The following FRMD4A variants were observed in gnomAD, a reference collection of about 807,000 sequenced individuals.
FRMD4A encodes the protein FERM domain-containing protein 4A.
In FRMD4A, 29 loss-of-function variants were observed where a neutral mutation model predicts 129.1. That is an observed-to-expected ratio of 0.22 (90% CI 0.17 to 0.31). The LOEUF (loss-of-function observed/expected upper bound fraction) is 0.31. FRMD4A is among the 10% of genes least tolerant of loss of function. The pLI is 1.00. For synonymous variants in FRMD4A, 634 were observed against 571.6 expected (o/e 1.11, Z -1.56); for missense variants, 1,272 against 1,375.8 (o/e 0.92, Z 1.19).
intron 14 of FRMD4A, among the ~76,000 whole-genome samples, chr10:13,695,148 AT>A (rs34942226): frequency 0.19 from 28,095 of 147,168 alleles, 2,786 homozygotes; most frequent in East Asian, 0.43. Context: ...TCAAAAAAAA[AT>A]TTTTTTTTTT....
intron 6 of FRMD4A, among the ~76,000 whole-genome samples, chr10:13,768,183 GC>G (rs1222574965): frequency 1.3e-5 from 2 of 152,088 alleles, no homozygotes; most frequent in Admixed American, 6.6e-5. Flanking sequence ...TGACTGAACT[GC>G]CGAAGGAAGA....
chr10:13,848,189 A>G (rs1441306960), intron 3 of FRMD4A, among the ~76,000 whole-genome samples: 1 of 152,162 alleles, frequency 6.6e-6, no homozygotes, highest in Non-Finnish European at 1.5e-5. Flanking sequence ...AGAGTCTCCT[A>G]TGGGGCACCA....
chr10:13,697,795 A>G (rs2086372087), intron 14 of FRMD4A, among the ~76,000 whole-genome samples: 1 of 152,160 alleles, frequency 6.6e-6, no homozygotes, highest in African/African-American at 2.4e-5. Context: ...AGAAGTCCCC[A>G]CTCTGAGTTC....
intron 2 of FRMD4A, among the ~76,000 whole-genome samples, chr10:14,088,828 A>G (rs1836461244): frequency 6.6e-6 from 1 of 150,904 alleles, no homozygotes. Flanking sequence ...CTTCCACTCA[A>G]ATCCTGGGTT....
In FRMD4A at chr10:13,659,435, T is replaced by C; in HGVS notation, c.1954A>G (p.Asn652Asp). 1.9e-6 allele frequency: 3 copies of C among 1,613,968 alleles called. No individual in the cohort carries two copies. Among genetic ancestry groups the C allele is most frequent in the Non-Finnish European group, 8.5e-7 (1 of 1,179,992 alleles). The change falls in exon 21 of 25, where the codon AAC becomes GAC. Residue 652 changes from asparagine to aspartate, a missense_variant. Asn to Asp is a conservative substitution (Grantham distance 23). Coordinates refer to ENST00000357447, the MANE Select transcript of FRMD4A (RefSeq NM_018027.5). ...CGGATGGGGCTGTTCTGCAAGGAGT[T>C]GCTTCCTCCGCCGGCTTCCGCACAG... Reference protein sequence around the residue: ...GSCAEAGGGSNSLQNSPIRGL... With the variant: ...GSCAEAGGGSDSLQNSPIRGL...
chr10:13,917,511 A>C (rs1245974162), intron 2 of FRMD4A, among the ~76,000 whole-genome samples: 1 of 152,010 alleles, frequency 6.6e-6, no homozygotes. Flanking sequence ...GCTGGTCTTG[A>C]ACTCCTGGCC....
At chr10:14,116,408 G>A (rs1838199770) in intron 2 of FRMD4A, among the ~76,000 whole-genome samples, 1 of 152,190 alleles carries the variant, frequency 6.6e-6, no homozygotes, top group African/African-American at 2.4e-5. Context: ...TGGGTGGATT[G>A]AACAGAAATA....
chr10:13,919,529 T>C (rs12049710), intron 2 of FRMD4A, among the ~76,000 whole-genome samples: 18,278 of 152,196 alleles, frequency 0.12, 1,448 homozygotes, highest in East Asian at 0.27. Flanking sequence ...GAATTTAATG[T>C]ATATAAAATT....
intron 2 of FRMD4A, among the ~76,000 whole-genome samples, chr10:13,871,371 A>G (rs1262831506): frequency 6.6e-6 from 1 of 152,180 alleles, no homozygotes; most frequent in Non-Finnish European, 1.5e-5. Flanking sequence ...TGACAGGAAG[A>G]GTTTGTGTTG....
At chr10:14,289,174 A>AT (rs1564443138) in intron 2 of FRMD4A, among the ~76,000 whole-genome samples, 1 of 152,042 alleles carries the variant, frequency 6.6e-6, no homozygotes, top group Non-Finnish European at 1.5e-5. Flanking sequence ...TCCATTTTTA[A>AT]TTTTTTGAGG....
intron 2 of FRMD4A, among the ~76,000 whole-genome samples, chr10:13,945,354 T>C (rs2095324043): frequency 6.6e-6 from 1 of 152,122 alleles, no homozygotes; most frequent in Non-Finnish European, 1.5e-5. Flanking sequence ...TTTTAAGTAA[T>C]GGTGAATTTG....
At chr10:13,761,768 G>C in intron 7 of FRMD4A, 99 bp from the exon 8 acceptor site, 1 of 786,002 alleles carries the variant, frequency 1.3e-6, no homozygotes, top group Non-Finnish European at 2.1e-6. Flanking sequence ...TACTGAATGA[G>C]ATGAGTTCAG....
chr10:13,784,563 C>A (rs901488261), intron 5 of FRMD4A, among the ~76,000 whole-genome samples: 1 of 152,166 alleles, frequency 6.6e-6, no homozygotes, highest in Non-Finnish European at 1.5e-5. Flanking sequence ...TCAAATGATA[C>A]TTTTAGATTC....
At chr10:14,301,344 T>C (rs541072526) in intron 2 of FRMD4A, among the ~76,000 whole-genome samples, 40 of 152,290 alleles carry the variant, frequency 2.6e-4, no homozygotes, top group African/African-American at 8.7e-4. Context: ...CTGAAGGTGG[T>C]TTTGAGAACC....
At chr10:13,867,724 TATATAATAAATA>T in intron 2 of FRMD4A, among the ~76,000 whole-genome samples, 1 of 107,346 alleles carries the variant, frequency 9.3e-6, no homozygotes, top group Middle Eastern at 4.0e-3. Context: ...TATAATATAA[TATATAATAAATA>T]ACATATAATA....
chr10:14,022,272 G>A (rs1832793891), intron 2 of FRMD4A, among the ~76,000 whole-genome samples: 1 of 152,156 alleles, frequency 6.6e-6, no homozygotes, highest in Admixed American at 6.5e-5. Context: ...CTTGAAGGAT[G>A]TATGAACTTC....
At chr10:14,130,459 G>A (rs10906607) in intron 2 of FRMD4A, among the ~76,000 whole-genome samples, 44,916 of 151,644 alleles carry the variant, frequency 0.3, 6,968 homozygotes, top group East Asian at 0.51. Flanking sequence ...ATGAAGTCTT[G>A]CTATGATGCC....
In FRMD4A at chr10:13,982,503, G is replaced by A. The variant is rs2095565846; in HGVS notation, c.46-123591C>T. ...GGGGAGGGGAGGGGAGGGGAGGGGGGGGAAGGGATCCTCTGACCTACCTTG... is the reference window on the plus strand; with the variant it reads ...GGGGAGGGGAGGGGAGGGGAGGGGGAGGAAGGGATCCTCTGACCTACCTTG... On this transcript the variant is annotated intron_variant, in intron 2 of 24. Transcript: ENST00000357447. Among the ~76,000 whole-genome samples the A allele has an allele frequency of 1.7e-5, 2 of 120,894 alleles. 1 individual carries two copies. Among genetic ancestry groups the A allele is most frequent in the South Asian group, 5.3e-4 (2 of 3,760 alleles). 79.3% of individuals were successfully genotyped at this position (120,894 alleles called of 152,430 possible).
At chr10:14,234,445 G>A (rs11258963) in intron 2 of FRMD4A, among the ~76,000 whole-genome samples, 59,749 of 152,090 alleles carry the variant, frequency 0.39, 12,558 homozygotes, top group Non-Finnish European at 0.46. Flanking sequence ...GAGGGATCCC[G>A]GGGTTGATGT....
Sources: gnomAD v4.1 joint callset for allele counts (sites outside exome capture counted in the v4.1 genomes callset) on GRCh38, gnomAD v4.1.1 for gene constraint, MANE v1.5 for transcripts, NCBI Gene and HGNC (gene_info 2026-07-23, HGNC 2026-07-21) for gene names.